USP6: variants seen among roughly 807,000 people sequenced by gnomAD.
USP6 encodes the protein ubiquitin carboxyl-terminal hydrolase 6.
In USP6, 128 loss-of-function variants were observed where a neutral mutation model predicts 175.7. That is an observed-to-expected ratio of 0.73 (90% CI 0.63 to 0.84). The LOEUF is 0.84. Ranked by LOEUF, USP6 falls within the 40% of genes least tolerant of loss-of-function variation. USP6 has a pLI of 0.00. For synonymous variants in USP6, 562 were observed against 630.6 expected (o/e 0.89, Z 1.63); for missense variants, 1,498 against 1,760.3 (o/e 0.85, Z 2.67).
rs772953040 is a variant in USP6 at position 5,155,481 on chromosome 17, G to A, written c.2703G>A (p.Met901Ile). 5.6e-6 allele frequency: 9 copies of A among 1,614,078 alleles called. No homozygotes were observed. Among genetic ancestry groups the A allele is most frequent in the Non-Finnish European group, 7.6e-6 (9 of 1,179,998 alleles). ...AGAATCGCCCCAGCCTCTTTGGAATGCCATTGATTGTTCCATGCACTGTGC... is the reference window on the plus strand; with the variant it reads ...AGAATCGCCCCAGCCTCTTTGGAATACCATTGATTGTTCCATGCACTGTGC... Reference protein sequence around the residue: ...PQENRPSLFGMPLIVPCTVHT... With the variant: ...PQENRPSLFGIPLIVPCTVHT... Residue 901 changes from methionine (M) to isoleucine (I), a missense_variant, in exon 31 of 38, where the codon ATG becomes ATA. By Grantham distance (10) the Met-to-Ile change is conservative. Coordinates refer to ENST00000574788, the MANE Select transcript of USP6 (RefSeq NM_001304284.2).
At chr17:5,121,948 A>G (rs1041184284) in intron 4 of USP6, among the ~76,000 whole-genome samples, 198 bp downstream of exon 4, 5 of 152,160 alleles carry the variant, frequency 3.3e-5, no homozygotes, top group African/African-American at 1.2e-4. Flanking sequence ...TCTGGATTAG[A>G]TCACGTAGGC....
rs1453988600 is a variant in USP6 at position 5,136,504 on chromosome 17, G to T, written c.665-136G>T. 1.3e-5 allele frequency: 15 copies of T among 1,180,118 alleles called. No individual in the cohort carries two copies. In the East Asian group the frequency reaches 1.6e-4, roughly 13 times the overall value. The allele number at this position is 1,180,118 out of a possible 1,614,324, so 73.1% of individuals were successfully genotyped here. A position where few individuals can be genotyped will look rare whatever the true frequency, so the allele number is the denominator to read the frequency against. ...GTCCCACCTCCCCAGGGCAAAGGCC[G>T]CATGGTAGGGTCACCAGATGGGAGG... On this transcript the variant is annotated intron_variant, in intron 17 of 37. Coordinates refer to ENST00000574788, the MANE Select transcript of USP6 (RefSeq NM_001304284.2).
At chr17:5,118,522 G>C (rs959365278) in intron 2 of USP6, among the ~76,000 whole-genome samples, 2 of 152,256 alleles carry the variant, frequency 1.3e-5, no homozygotes, top group Non-Finnish European at 2.9e-5. Flanking sequence ...TAGCGCCACT[G>C]TTTGAGGATG....
chr17:5,154,740 T>C (rs2073845900), intron 30 of USP6, among the ~76,000 whole-genome samples: 1 of 151,996 alleles, frequency 6.6e-6, no homozygotes, highest in Admixed American at 6.6e-5. Flanking sequence ...CTGGCATCTT[T>C]TCATTTCTTT....
chr17:5,158,590 A>AGAGAGAGAGAGAGAGGGAGAGGGGGG (rs2073935852), intron 31 of USP6, among the ~76,000 whole-genome samples: 1 of 136,908 alleles, frequency 7.3e-6, no homozygotes, highest in Non-Finnish European at 1.6e-5. Flanking sequence ...GGAGAGAGAG[A>AGAGAGAGAGAGAGAGGGAGAGGGGGG]GAGAGAGAGA....
intron 5 of USP6, 56 bp downstream of exon 5, chr17:5,125,328 G>A (rs948805125): frequency 6.6e-6 from 1 of 152,294 alleles, no homozygotes; most frequent in African/African-American, 2.4e-5. Context: ...TAGAAATAAA[G>A]CACACAATAA....
chr17:5,163,790 G>A (rs2074050471), intron 33 of USP6, among the ~76,000 whole-genome samples: 1 of 152,140 alleles, frequency 6.6e-6, no homozygotes, highest in South Asian at 2.1e-4. Context: ...GGCTGTAGCT[G>A]CTCCCTTTAA....
In USP6 at chr17:5,174,741, T is replaced by A. The variant is rs1277534563; in HGVS notation, c.*1763T>A. Reference sequence around the variant, plus strand: ...TTATACTGGTTGTAATTAATTTTTTTAATTCATGAACTAGCGGAAAATTTA... The same window carrying A: ...TTATACTGGTTGTAATTAATTTTTTAAATTCATGAACTAGCGGAAAATTTA... On this transcript the variant is annotated 3_prime_UTR_variant, in exon 38 of 38. Transcript: ENST00000574788. 5 of 201,426 alleles carry A rather than the reference T, an allele frequency of 2.5e-5. No homozygotes were observed. The highest frequency in any genetic ancestry group is 6.0e-5 in the Admixed American group (1 of 16,668). The allele number at this position is 201,426 out of a possible 1,614,324, so 12.5% of individuals were successfully genotyped here. A position where few individuals can be genotyped will look rare whatever the true frequency, so the allele number is the denominator to read the frequency against.
rs200519817 is a variant in USP6, at chr17:5,141,454, G to A, written c.1528G>A (p.Glu510Lys). The change falls in exon 23 of 38, where the codon GAG becomes AAG. Residue 510 changes from glutamate (E) to lysine (K), a missense_variant. Glu to Lys is a moderately conservative substitution (Grantham distance 56, BLOSUM62 1). This residue lies in a region of USP6 where 1,217 missense variants were observed against 1,500.8 expected (regional missense o/e 0.81). Coordinates refer to ENST00000574788, the MANE Select transcript of USP6 (RefSeq NM_001304284.2). ...CAACAAAGATATGAGTTGGCCTGAG[G>A]AGATGTCTTTTACAGCAAATAGTAG... ...VHNKDMSWPE[E>K]MSFTANSSKI... 2.1e-3 allele frequency: 3,381 copies of A among 1,609,556 alleles called. 91 individuals carry two copies. In the South Asian group the frequency reaches 0.036, roughly 17 times the overall value.
chr17:5,159,851 T>C (rs578141746), intron 31 of USP6, among the ~76,000 whole-genome samples: 1 of 151,360 alleles, frequency 6.6e-6, no homozygotes, highest in East Asian at 1.9e-4. Context: ...TAATCCTAGC[T>C]ACTTGGGAGG....
chr17:5,143,388 CT>C (rs899956219), intron 25 of USP6, among the ~76,000 whole-genome samples: 1 of 152,216 alleles, frequency 6.6e-6, no homozygotes, highest in African/African-American at 2.4e-5. Context: ...ACATAGGAGA[CT>C]TTTCATTTTG....
intron 2 of USP6, 81 bp from the exon 3 acceptor site, chr17:5,120,546 C>T: frequency 2.8e-6 from 1 of 351,422 alleles, no homozygotes; most frequent in Non-Finnish European, 5.5e-6. Context: ...CTGCACCTGT[C>T]TCTCCGAGGG....
intron 25 of USP6, among the ~76,000 whole-genome samples, chr17:5,143,166 T>A (rs899967563): frequency 9.2e-5 from 14 of 151,960 alleles, no homozygotes; most frequent in Non-Finnish European, 1.8e-4. Flanking sequence ...AGCCGCCCCG[T>A]CCGGGAGGTG....
At chr17:5,169,292 T>C (rs2074162749) in intron 35 of USP6, among the ~76,000 whole-genome samples, 1 of 152,132 alleles carries the variant, frequency 6.6e-6, no homozygotes, top group East Asian at 1.9e-4. Context: ...GTTTGACACA[T>C]GGAGAGTAAA....
chr17:5,168,765 A>G lies in USP6; in HGVS notation c.3229-2A>G, dbSNP rs758359067. ...CGATGTTTTCTACCTTTACTTCTCC[A>G]GATTATTCACCTTAAGCGATTTCAA... On this transcript the variant is annotated splice_acceptor_variant, in intron 34 of 37. Transcript: ENST00000574788. LOFTEE classifies it high-confidence loss of function. 6.4e-7 allele frequency: 1 copy of G among 1,561,814 alleles called. No homozygotes were observed. The highest frequency in any genetic ancestry group is 1.2e-5 in the South Asian group (1 of 81,612).
chr17:5,167,863 T>C, intron 33 of USP6, 69 bp from the exon 34 acceptor site: 1 of 1,536,286 alleles, frequency 6.5e-7, no homozygotes, highest in East Asian at 2.3e-5. Flanking sequence ...GAGCGGTTGA[T>C]GCATAGCTAG....
chr17:5,148,995 A>C (rs900399883), intron 30 of USP6, among the ~76,000 whole-genome samples: 1 of 152,212 alleles, frequency 6.6e-6, no homozygotes, highest in Admixed American at 6.5e-5. Flanking sequence ...ATAAGTGATC[A>C]GAGCCAGGAT....
At chr17:5,130,852 GGTT>G (rs1490523848) in intron 11 of USP6, among the ~76,000 whole-genome samples, 168 bp downstream of exon 11, 1 of 152,204 alleles carries the variant, frequency 6.6e-6, no homozygotes, top group Non-Finnish European at 1.5e-5. Flanking sequence ...TCCAGCCCGA[GGTT>G]GTTGTTAGGC....
chr17:5,168,985 T>C lies in USP6; in HGVS notation c.3447T>C (p.Ala1149=), dbSNP rs1348205058. The C allele has an allele frequency of 1.2e-6, 2 of 1,614,004 alleles. No homozygotes were observed. Among genetic ancestry groups the C allele is most frequent in the African/African-American group, 2.7e-5 (2 of 75,044 alleles). Residue 1149 remains alanine, a synonymous_variant, in exon 35 of 38, where the codon GCT becomes GCC. Coordinates refer to ENST00000574788, the MANE Select transcript of USP6 (RefSeq NM_001304284.2). The part of the protein sequence containing the change: ...EVKKVDAQSS[A]GKEDMLLSKS... Reference sequence around the variant, plus strand: ...AGAAAGTGGATGCGCAGAGTTCGGCTGGAAAAGAGGACATGCTCCTAAGCA... The same window carrying C: ...AGAAAGTGGATGCGCAGAGTTCGGCCGGAAAAGAGGACATGCTCCTAAGCA...
Sources: gnomAD v4.1 joint callset for allele counts (sites outside exome capture counted in the v4.1 genomes callset) on GRCh38, gnomAD v4.1.1 for gene constraint, gnomAD v4.1.1 regional missense constraint, MANE v1.5 for transcripts, NCBI Gene and HGNC (gene_info 2026-07-23, HGNC 2026-07-21) for gene names.